ABCG2: variants seen among roughly 807,000 people sequenced by gnomAD.
ABCG2 encodes the protein ATP binding cassette subfamily G member 2 (JR blood group).
A neutral mutation model predicts 73.5 loss-of-function variants in ABCG2; 80 were observed. That is an observed-to-expected ratio of 1.09 (90% CI 0.91 to 1.31). The LOEUF (loss-of-function observed/expected upper bound fraction) is 1.31. Ranked by LOEUF, ABCG2 falls within the 50% of genes most tolerant of loss-of-function variation. The pLI is 0.00. For synonymous variants in ABCG2, 269 were observed against 282.4 expected (o/e 0.95, Z 0.48); for missense variants, 796 against 786.2 (o/e 1.01, Z -0.15).
In ABCG2 at chr4:88,131,834, T is replaced by C; in HGVS notation, c.347A>G (p.Asn116Ser). Residue 116 changes from asparagine to serine, a missense_variant, in exon 4 of 16, where the codon AAT becomes AGT. Transcript: ENST00000237612. ...VLINGAPRPA[N>S]FKCNSGYVVQ... is the part of the protein sequence containing the mutation. Reference sequence around the variant, plus strand: ...CACGTAACCTGAATTACATTTGAAATTGGCAGGTCGCGGTGCTCCATTTAT... The same window carrying C: ...CACGTAACCTGAATTACATTTGAAACTGGCAGGTCGCGGTGCTCCATTTAT... 6 of 1,613,706 alleles carry C rather than the reference T, an allele frequency of 3.7e-6. No homozygotes were observed. Among genetic ancestry groups the C allele is most frequent in the Non-Finnish European group, 5.1e-6 (6 of 1,179,944 alleles).
At chr4:88,211,358 G>GCACCCCCCC (rs1729583670) in intron 1 of ABCG2, among the ~76,000 whole-genome samples, 1 of 33,648 alleles carries the variant, frequency 3.0e-5, no homozygotes, top group African/African-American at 1.1e-4. Context: ...TTCAACCCCT[G>GCACCCCCCC]CCCCACCCCC....
At chr4:88,203,746 C>A (rs1729272319) in intron 1 of ABCG2, among the ~76,000 whole-genome samples, 2 of 79,172 alleles carry the variant, frequency 2.5e-5, no homozygotes, top group African/African-American at 4.8e-5. Context: ...AACAGCGAAA[C>A]TCAGTTTCAA....
intron 2 of ABCG2, among the ~76,000 whole-genome samples, chr4:88,138,853 T>G (rs1480053001): frequency 6.6e-6 from 1 of 150,736 alleles, no homozygotes; most frequent in Non-Finnish European, 1.5e-5. Flanking sequence ...CATTTGACCA[T>G]AAAAAAAAAT....
intron 1 of ABCG2, among the ~76,000 whole-genome samples, chr4:88,197,522 A>G (rs991552767): frequency 2.0e-5 from 3 of 152,088 alleles, no homozygotes; most frequent in African/African-American, 7.2e-5. Flanking sequence ...AGGCTGAGGT[A>G]GGAGGATCCC....
chr4:88,204,532 C>T (rs1348630018), intron 1 of ABCG2, among the ~76,000 whole-genome samples: 1 of 152,188 alleles, frequency 6.6e-6, no homozygotes, highest in Admixed American at 6.5e-5. Flanking sequence ...TGGAGAATAA[C>T]TTTGCTATAG....
chr4:88,190,716 T>C (rs145101865), intron 1 of ABCG2, among the ~76,000 whole-genome samples: 29 of 152,342 alleles, frequency 1.9e-4, no homozygotes, highest in African/African-American at 7.0e-4. Context: ...AGAAAATATT[T>C]ACAAATCAAA....
chr4:88,114,059 T>G (rs1723348590), intron 8 of ABCG2, among the ~76,000 whole-genome samples: 1 of 151,950 alleles, frequency 6.6e-6, no homozygotes. Context: ...TCCCAGTATT[T>G]TGCAGGGCAG....
Position 88,095,533 on chromosome 4 carries a change from C to A in ABCG2, c.1724G>T (p.Arg575Leu), listed in dbSNP as rs748169857. The change falls in exon 14 of 16, where the codon CGA becomes CTA. Residue 575 changes from arginine to leucine, a missense_variant. Coordinates refer to ENST00000237612, the MANE Select transcript of ABCG2 (RefSeq NM_004827.3). The stretch of plus-strand genomic sequence containing the variant: ...AGGAAGACATACCGTAAATCCATAT[C>A]GTGGAATGCTGAAGTACTGAAGCCA... ...LSWLQYFSIP[R>L]YGFTALQHNE... The A allele has an allele frequency of 7.4e-6, 12 of 1,612,936 alleles. No individual in the cohort carries two copies. The Admixed American group carries it at 1.0e-4, about 13-fold the overall frequency.
Position 88,144,856 on chromosome 4 carries a change from A to AT in ABCG2, c.-19-4843dup, listed in dbSNP as rs141967193. On this transcript the variant is annotated intron_variant, in intron 1 of 15. Coordinates refer to ENST00000237612, the MANE Select transcript of ABCG2 (RefSeq NM_004827.3). ...TGCATTACAGATACCGTATTTCTCA[A>AT]TTTTTTTACTCTTTATCAAACTCTT... Among the ~76,000 whole-genome samples the AT allele has an allele frequency of 4.3e-3, 652 of 152,094 alleles. 7 individuals carry two copies. Among genetic ancestry groups the AT allele is most frequent in the African/African-American group, 0.015 (628 of 41,494 alleles).
chr4:88,158,204 A>T (rs905041179), intron 1 of ABCG2, among the ~76,000 whole-genome samples, 182 bp downstream of exon 1: 6 of 152,180 alleles, frequency 3.9e-5, no homozygotes, highest in African/African-American at 1.4e-4. Flanking sequence ...TCATTTTCTG[A>T]AAAACCACTT....
chr4:88,178,055 T>C (rs1237174811), intron 1 of ABCG2, among the ~76,000 whole-genome samples: 1 of 152,152 alleles, frequency 6.6e-6, no homozygotes, highest in African/African-American at 2.4e-5. Flanking sequence ...ACCAGTGGAC[T>C]TGAAGGGCAA....
intron 1 of ABCG2, among the ~76,000 whole-genome samples, chr4:88,192,154 C>G (rs767015201): frequency 6.7e-6 from 1 of 150,346 alleles, no homozygotes; most frequent in Non-Finnish European, 1.5e-5. Context: ...GCACTCCAGC[C>G]TGGGCGACAG....
At chr4:88,160,084 A>G (rs570089147), upstream of ABCG2, among the ~76,000 whole-genome samples, 1 of 151,928 alleles carries the variant, frequency 6.6e-6, no homozygotes, top group Non-Finnish European at 1.5e-5. Context: ...CTCTACTAAA[A>G]ATACAAAAGT....
At chr4:88,197,462 A>G (rs1728981352) in intron 1 of ABCG2, among the ~76,000 whole-genome samples, 1 of 151,946 alleles carries the variant, frequency 6.6e-6, no homozygotes, top group African/African-American at 2.4e-5. Context: ...CAAAAAATAC[A>G]TAAATTACCT....
At chr4:88,161,998 C>T (rs557433988), upstream of ABCG2, among the ~76,000 whole-genome samples, 398 of 151,452 alleles carry the variant, frequency 2.6e-3, 1 homozygote, top group African/African-American at 4.6e-3. Context: ...TCATGTCCTT[C>T]GCCCACTTTT....
chr4:88,211,243 T>C (rs1169555356), intron 1 of ABCG2, among the ~76,000 whole-genome samples: 8 of 151,950 alleles, frequency 5.3e-5, no homozygotes, highest in Non-Finnish European at 8.8e-5. Flanking sequence ...AGATTCAGGG[T>C]TGCACGTGCT....
intron 1 of ABCG2, among the ~76,000 whole-genome samples, chr4:88,197,968 T>A (rs1430846614): frequency 1.4e-5 from 2 of 147,740 alleles, no homozygotes; most frequent in African/African-American, 5.1e-5. Flanking sequence ...AGGCACAGGT[T>A]GCAGTGAGCC....
chr4:88,171,635 C>A, intron 1 of ABCG2, among the ~76,000 whole-genome samples: 1 of 151,168 alleles, frequency 6.6e-6, no homozygotes. Flanking sequence ...ATTATAATAT[C>A]CAAAGTCTTT....
chr4:88,193,142 A>G (rs1728773441), intron 1 of ABCG2, among the ~76,000 whole-genome samples: 1 of 152,152 alleles, frequency 6.6e-6, no homozygotes, highest in Non-Finnish European at 1.5e-5. Flanking sequence ...CTCACGTACT[A>G]TATACTGAAG....
Sources: allele counts gnomAD v4.1 joint callset (sites outside exome capture counted in the v4.1 genomes callset), GRCh38; gene constraint gnomAD v4.1.1; transcripts MANE v1.5; gene names NCBI Gene and HGNC (gene_info 2026-07-23, HGNC 2026-07-21).